Variants in ROCK2 observed in about 807,000 individuals in gnomAD.
The protein encoded by ROCK2 is Rho associated coiled-coil containing protein kinase 2, also known as rho-associated protein kinase 2.
Under a neutral mutation model 195.1 loss-of-function variants are expected in ROCK2, and 61 were observed. The ratio of observed to expected loss-of-function variants is 0.31; its 90% confidence interval spans 0.25 to 0.39. The LOEUF is 0.39. Among genes scored for constraint, ROCK2 ranks in the 10% least tolerant of loss-of-function variants. The pLI, the probability that ROCK2 is intolerant of heterozygous loss-of-function variation, is 1.00. For missense variants in ROCK2, 1,109 were observed against 1,637.4 expected (o/e 0.68, Z 5.57); for synonymous variants, 504 against 545.5 (o/e 0.92, Z 1.06).
chr2:11,294,999 G>A (rs9630966), intron 1 of ROCK2, among the ~76,000 whole-genome samples: 2 of 151,966 alleles, frequency 1.3e-5, no homozygotes, highest in African/African-American at 4.8e-5. Context: ...ATGTTGCCCA[G>A]GTTGGTCTCG....
At chr2:11,282,354 A>C (rs10169455) in intron 3 of ROCK2, among the ~76,000 whole-genome samples, 111,472 of 151,790 alleles carry the variant, frequency 0.73, 42,685 homozygotes, top group East Asian at 0.94. Flanking sequence ...CCGTCTCAAA[A>C]AATAATAATT....
intron 1 of ROCK2, among the ~76,000 whole-genome samples, chr2:11,340,062 T>C (rs1409397401): frequency 6.6e-6 from 1 of 152,212 alleles, no homozygotes; most frequent in East Asian, 1.9e-4. Context: ...CACTATTTAT[T>C]TACAGCTACT....
At chr2:11,294,570 T>C (rs546993192) in intron 1 of ROCK2, among the ~76,000 whole-genome samples, 2 of 152,298 alleles carry the variant, frequency 1.3e-5, no homozygotes, top group East Asian at 3.9e-4. Flanking sequence ...AAGGTTGGTA[T>C]TGGGCCCAAT....
At position 11,316,791 on chromosome 2, in the gene ROCK2, T is replaced by C. The variant is rs1668206951; in HGVS notation, c.141+27205A>G. The stretch of plus-strand genomic sequence containing the variant: ...GGTATGTCTGTCCTCTGACTGCTAA[T>C]AAGTCATTCTAGAACAAAAAGAGAG... On this transcript the variant is annotated intron_variant, in intron 1 of 32. Coordinates refer to ENST00000315872, the MANE Select transcript of ROCK2 (RefSeq NM_004850.5). Among the ~76,000 whole-genome samples the C allele has an allele frequency of 2.0e-5, 3 of 152,300 alleles. No individual in the cohort carries two copies. The South Asian group carries it at 6.2e-4, about 32-fold the overall frequency.
intron 3 of ROCK2, among the ~76,000 whole-genome samples, chr2:11,260,135 T>C (rs867937197): frequency 4.0e-5 from 6 of 151,494 alleles, no homozygotes; most frequent in South Asian, 4.1e-4. Flanking sequence ...TAGTTTAAAA[T>C]ATGTCAACAG....
At chr2:11,342,893 G>A (rs1257440250) in intron 1 of ROCK2, among the ~76,000 whole-genome samples, 1 of 152,184 alleles carries the variant, frequency 6.6e-6, no homozygotes, top group African/African-American at 2.4e-5. Flanking sequence ...TGCAAACGAT[G>A]CCTGAAACCT....
chr2:11,243,590 C>G (rs1665508624), intron 4 of ROCK2, among the ~76,000 whole-genome samples: 1 of 152,036 alleles, frequency 6.6e-6, no homozygotes, highest in Non-Finnish European at 1.5e-5. Context: ...AACCCATAAC[C>G]CTAGTATAAT....
chr2:11,184,908 T>A, intron 32 of ROCK2: 1 of 306,360 alleles, frequency 3.3e-6, no homozygotes, highest in Non-Finnish European at 4.8e-6. Flanking sequence ...AGATTAAAAT[T>A]AAGACGGACG....
Position 11,201,273 on chromosome 2 carries a change from A to C in ROCK2, c.2723+37T>G. On this transcript the variant is annotated intron_variant, in intron 22 of 32. Transcript: ENST00000315872. The surrounding 1 kb of genome is among the most constrained non-coding windows in gnomAD (Gnocchi z 4.6). ...GCATTGTTCTAGGAGCAAAGTATACAGCTATGAACAAAAAGAGACAAGGGT... is the reference window on the plus strand; with the variant it reads ...GCATTGTTCTAGGAGCAAAGTATACCGCTATGAACAAAAAGAGACAAGGGT... 1 of 1,527,048 alleles carries C rather than the reference A, an allele frequency of 6.5e-7. No homozygotes were observed. Among genetic ancestry groups the C allele is most frequent in the East Asian group, 2.3e-5 (1 of 44,428 alleles). 94.6% of individuals were successfully genotyped at this position (1,527,048 alleles called of 1,614,324 possible). A position where few individuals can be genotyped will look rare whatever the true frequency, so the allele number is the denominator to read the frequency against.
intron 3 of ROCK2, among the ~76,000 whole-genome samples, chr2:11,265,336 C>T (rs1195627978): frequency 2.0e-5 from 3 of 152,162 alleles, no homozygotes; most frequent in Non-Finnish European, 4.4e-5. Context: ...TCAATTCTAA[C>T]ACTACAGGTG....
chr2:11,334,810 T>C (rs1234706044), intron 1 of ROCK2, among the ~76,000 whole-genome samples: 2 of 150,646 alleles, frequency 1.3e-5, no homozygotes, highest in South Asian at 2.1e-4. Flanking sequence ...AATTAAACAT[T>C]AGAAATTGTT....
intron 4 of ROCK2, among the ~76,000 whole-genome samples, chr2:11,239,137 T>A (rs1370576627): frequency 6.6e-6 from 1 of 152,074 alleles, no homozygotes; most frequent in Non-Finnish European, 1.5e-5. Context: ...GGAGAATATC[T>A]TAATGAACCT....
intron 3 of ROCK2, among the ~76,000 whole-genome samples, chr2:11,279,573 C>T (rs1666933092): frequency 6.6e-6 from 1 of 152,186 alleles, no homozygotes; most frequent in Non-Finnish European, 1.5e-5. Context: ...GATAAATTCA[C>T]TATCATAACT....
At chr2:11,324,253 G>C (rs1267447700) in intron 1 of ROCK2, among the ~76,000 whole-genome samples, 1 of 152,124 alleles carries the variant, frequency 6.6e-6, no homozygotes, top group Non-Finnish European at 1.5e-5. Flanking sequence ...TGGCCAACAT[G>C]GTGAAACCCC....
rs564545573 is a variant in ROCK2 at position 11,328,212 on chromosome 2, C to T, written c.141+15784G>A. On this transcript the variant is annotated intron_variant, in intron 1 of 32. Coordinates refer to ENST00000315872, the MANE Select transcript of ROCK2 (RefSeq NM_004850.5). The stretch of plus-strand genomic sequence containing the variant: ...CAAAACCCCAATGCGACTAATTACA[C>T]GCAGTGAATTAAGAACACAAAAATG... Among the ~76,000 whole-genome samples, 13 of 152,180 alleles carry T rather than the reference C, an allele frequency of 8.5e-5. No homozygotes were observed. The East Asian group carries it at 2.1e-3, about 25-fold the overall frequency.
intron 1 of ROCK2, among the ~76,000 whole-genome samples, chr2:11,320,266 A>G (rs767906353): frequency 6.6e-6 from 1 of 152,182 alleles, no homozygotes. Flanking sequence ...AATACATTCC[A>G]GGGGTTTTCC....
At chr2:11,253,680 T>C (rs1486811559) in intron 3 of ROCK2, among the ~76,000 whole-genome samples, 1 of 152,268 alleles carries the variant, frequency 6.6e-6, no homozygotes, top group Non-Finnish European at 1.5e-5. Flanking sequence ...ATGCCAGCAA[T>C]GGCAATAAAA....
chr2:11,330,655 G>C (rs1051699812), intron 1 of ROCK2, among the ~76,000 whole-genome samples: 2 of 147,878 alleles, frequency 1.4e-5, no homozygotes, highest in African/African-American at 4.9e-5. Context: ...TCTAGCCTGG[G>C]TGACAGAGAC....
chr2:11,337,312 T>G (rs1357721417), intron 1 of ROCK2, among the ~76,000 whole-genome samples: 1 of 151,478 alleles, frequency 6.6e-6, no homozygotes, highest in Non-Finnish European at 1.5e-5. Flanking sequence ...CACAAAACAT[T>G]TATTTGACAA....
Sources: allele counts gnomAD v4.1 joint callset (sites outside exome capture counted in the v4.1 genomes callset), GRCh38; gene constraint gnomAD v4.1.1; non-coding constraint Gnocchi (gnomAD v3.1); transcripts MANE v1.5; gene names NCBI Gene and HGNC (gene_info 2026-07-23, HGNC 2026-07-21).